Variants in ATP2A3 observed in about 807,000 individuals in gnomAD.
ATP2A3 encodes ATPase sarcoplasmic/endoplasmic reticulum Ca2+ transporting 3.
A neutral mutation model predicts 106.8 loss-of-function variants in ATP2A3; 61 were observed. That is an observed-to-expected ratio of 0.57 (90% CI 0.46 to 0.71). The LOEUF is 0.71. Among genes scored for constraint, ATP2A3 ranks in the 30% least tolerant of loss-of-function variants. The probability of loss-of-function intolerance (pLI) is 0.00; values close to 1 mark genes in which losing one functional copy is unlikely to be tolerated. For synonymous variants in ATP2A3, 611 were observed against 609.3 expected, an observed-to-expected ratio of 1.00 and a Z score of -0.04; for missense variants, 1,201 against 1,423.5, an observed-to-expected ratio of 0.84 and a Z score of 2.52.
rs2053032014 is a variant in ATP2A3, at chr17:3,930,782, C to A, written c.2611-348G>T. 3.5e-5 allele frequency: 14 copies of A among 403,410 alleles called. No individual in the cohort carries two copies. The highest frequency in any genetic ancestry group is 2.9e-4 in the South Asian group (14 of 47,938). 25.0% of individuals were successfully genotyped at this position (403,410 alleles called of 1,614,324 possible). A position where few individuals can be genotyped will look rare whatever the true frequency, so the allele number is the denominator to read the frequency against. ...TGCATGTGAAAATCAACCAACAAAACCATGCGGGAGTGGAATTCACCTTTG... is the reference window on the plus strand; with the variant it reads ...TGCATGTGAAAATCAACCAACAAAAACATGCGGGAGTGGAATTCACCTTTG... On this transcript the variant is annotated intron_variant, in intron 17 of 20. Transcript: ENST00000397041. This position sits in a 1 kb window ranked among gnomAD's most constrained non-coding sequence, Gnocchi z 5.4.
Position 3,941,322 on chromosome 17 carries a change from A to C in ATP2A3, c.1765-16T>G, listed in dbSNP as rs2053759371. The C allele has an allele frequency of 6.2e-7, 1 of 1,613,592 alleles. No individual in the cohort carries two copies. The highest frequency in any genetic ancestry group is 8.5e-7 in the Non-Finnish European group (1 of 1,179,770). On this transcript the variant is annotated splice_polypyrimidine_tract_variant and intron_variant, in intron 13 of 20. Transcript: ENST00000397041. ...TCAGGTCCGTCTGTAGGGAGGGGGC[A>C]GATTCAAGCGGGGCCTGAGCCCATC...
Position 3,941,236 on chromosome 17 carries a change from G to A in ATP2A3, c.1835C>T (p.Thr612Ile). 6.2e-7 allele frequency: 1 copy of A among 1,614,074 alleles called. No individual in the cohort carries two copies. Among genetic ancestry groups the A allele is most frequent in the Non-Finnish European group, 8.5e-7 (1 of 1,180,030 alleles). ...GCGGATGCCCGCCTGGTAGCAGCGT[G>A]TGATGCAGGCAGCCACCTCAGGTCG... is the stretch of plus-strand genomic sequence containing the variant. The part of the protein sequence containing the change: ...PPRPEVAACI[T>I]RCYQAGIRVV... Residue 612 changes from threonine to isoleucine, a missense_variant, in exon 14 of 21, where the codon ACA (threonine) becomes ATA (isoleucine). Thr to Ile is a moderately conservative substitution (Grantham distance 89). This residue lies in a region of ATP2A3 where 935 missense variants were observed against 1,176.7 expected (regional missense o/e 0.79). Coordinates refer to ENST00000397041, the MANE Select transcript of ATP2A3 (RefSeq NM_005173.4).
intron 1 of ATP2A3, among the ~76,000 whole-genome samples, chr17:3,960,502 G>T (rs11867719): frequency 0.084 from 12,802 of 152,296 alleles, 732 homozygotes; most frequent in Middle Eastern, 0.13. Context: ...GGATCTGCCC[G>T]ACTCTCAGGT....
chr17:3,960,459 C>T (rs1567729213), intron 1 of ATP2A3, among the ~76,000 whole-genome samples: 1 of 152,248 alleles, frequency 6.6e-6, no homozygotes, highest in Non-Finnish European at 1.5e-5. Context: ...CTGCCAGCTC[C>T]CTTGAACAGA....
chr17:3,952,986 G>T (rs1445093064), intron 3 of ATP2A3, among the ~76,000 whole-genome samples: 1 of 152,152 alleles, frequency 6.6e-6, no homozygotes, highest in African/African-American at 2.4e-5. Flanking sequence ...ACAGTGGAAA[G>T]CCCCCACCCC....
At chr17:3,946,123 C>T (rs1468245526) in intron 8 of ATP2A3, among the ~76,000 whole-genome samples, 1 of 151,802 alleles carries the variant, frequency 6.6e-6, no homozygotes. Flanking sequence ...TGGCACGCGC[C>T]TGTAGTCCTA....
At chr17:3,958,849 A>AATATATATATATATATAT (rs775662160) in intron 1 of ATP2A3, among the ~76,000 whole-genome samples, 3 of 84,238 alleles carry the variant, frequency 3.6e-5, no homozygotes, top group Non-Finnish European at 6.8e-5. Flanking sequence ...CACATATATA[A>AATATATATATATATATAT]ATATATATAT....
In ATP2A3 at chr17:3,928,604, C is replaced by G; in HGVS notation, c.2980+59G>C. 1 of 1,431,424 alleles carries G rather than the reference C, an allele frequency of 7.0e-7. No individual in the cohort carries two copies. The highest frequency in any genetic ancestry group is 9.6e-7 in the Non-Finnish European group (1 of 1,038,888). The allele number at this position is 1,431,424 out of a possible 1,614,324, so 88.7% of individuals were successfully genotyped here. A position where few individuals can be genotyped will look rare whatever the true frequency, so the allele number is the denominator to read the frequency against. On this transcript the variant is annotated intron_variant, in intron 20 of 20. Transcript: ENST00000397041. This position sits in a 1 kb window ranked among gnomAD's most constrained non-coding sequence, Gnocchi z 6.1. Reference sequence around the variant, plus strand: ...TCCACACCCACAGCGTCCACTGCAGCCCAGGAGCAGAGGCGGGCGGGGAGG... The same window carrying G: ...TCCACACCCACAGCGTCCACTGCAGGCCAGGAGCAGAGGCGGGCGGGGAGG...
At chr17:3,933,720 A>G (rs2053255141) in intron 17 of ATP2A3, among the ~76,000 whole-genome samples, 1 of 151,134 alleles carries the variant, frequency 6.6e-6, no homozygotes, top group African/African-American at 2.5e-5. Flanking sequence ...TGGGTGACAG[A>G]GCGAGACTCC....
intron 17 of ATP2A3, among the ~76,000 whole-genome samples, chr17:3,932,325 GTAGAGA>G (rs1421946007): frequency 6.6e-6 from 1 of 152,126 alleles, no homozygotes; most frequent in African/African-American, 2.4e-5. Context: ...TGTGTTTGTA[GTAGAGA>G]CGGGGTTTCA....
intron 8 of ATP2A3, among the ~76,000 whole-genome samples, chr17:3,946,352 G>C (rs989053512): frequency 4.6e-5 from 7 of 151,904 alleles, no homozygotes; most frequent in Admixed American, 2.0e-4. Flanking sequence ...AGGAGTTATA[G>C]ACCAGCCTGG....
At position 3,939,752 on chromosome 17, in the gene ATP2A3, G is replaced by A. The variant is rs530768353; in HGVS notation, c.2100+1219C>T. Among the ~76,000 whole-genome samples the A allele has an allele frequency of 4.7e-3, 562 of 119,396 alleles. 3 individuals are homozygous for A. The highest frequency in any genetic ancestry group is 0.011 in the Admixed American group (107 of 9,354). 78.3% of individuals were successfully genotyped at this position (119,396 alleles called of 152,430 possible). Reference sequence around the variant, plus strand: ...CAGTGAGCCGAGATCGTGCCACTGCGCTCCAGCCCTGGGTGACAGAGCGAG... The same window carrying A: ...CAGTGAGCCGAGATCGTGCCACTGCACTCCAGCCCTGGGTGACAGAGCGAG... On this transcript the variant is annotated intron_variant, in intron 14 of 20. Transcript: ENST00000397041.
rs2053457496 is a variant in ATP2A3 at position 3,936,610 on chromosome 17, T to C, written c.2322-141A>G. Reference sequence around the variant, plus strand: ...CCCCTCCTCCCTCCGCCAGCTGTGATGTGAAGGGTGTGTGTACACAGCTCT... The same window carrying C: ...CCCCTCCTCCCTCCGCCAGCTGTGACGTGAAGGGTGTGTGTACACAGCTCT... On this transcript the variant is annotated intron_variant, in intron 15 of 20. Coordinates refer to ENST00000397041, the MANE Select transcript of ATP2A3 (RefSeq NM_005173.4). The surrounding 1 kb of genome is among the most constrained non-coding windows in gnomAD (Gnocchi z 5.4). 11 of 863,916 alleles carry C rather than the reference T, an allele frequency of 1.3e-5. No individual in the cohort carries two copies. The Admixed American group carries it at 2.0e-4, about 16-fold the overall frequency. 53.5% of individuals were successfully genotyped at this position (863,916 alleles called of 1,614,324 possible).
intron 5 of ATP2A3, 31 bp from the exon 6 acceptor site, chr17:3,950,804 G>A (rs200531241): frequency 1.2e-6 from 2 of 1,606,522 alleles, no homozygotes; most frequent in Admixed American, 1.7e-5. Flanking sequence ...GGCTGAGGGT[G>A]GCTTTGGGCA....
rs1380644368 is a variant in ATP2A3 at position 3,928,583 on chromosome 17, C to T, written c.2980+80G>A. ...GCAGACAGAGAGGCTCTGCGCTCCA[C>T]ACCCACAGCGTCCACTGCAGCCCAG... On this transcript the variant is annotated intron_variant, in intron 20 of 20. Coordinates refer to ENST00000397041, the MANE Select transcript of ATP2A3 (RefSeq NM_005173.4). The surrounding 1 kb of genome is among the most constrained non-coding windows in gnomAD (Gnocchi z 6.1). The T allele has an allele frequency of 7.7e-6, 10 of 1,291,822 alleles. No individual in the cohort carries two copies. In the East Asian group the frequency reaches 1.3e-4, roughly 16 times the overall value. The allele number at this position is 1,291,822 out of a possible 1,614,324, so 80.0% of individuals were successfully genotyped here. A position where few individuals can be genotyped will look rare whatever the true frequency, so the allele number is the denominator to read the frequency against.
intron 14 of ATP2A3, among the ~76,000 whole-genome samples, chr17:3,940,050 G>GTTTTTTT (rs58490329): frequency 2.1e-5 from 2 of 96,806 alleles, no homozygotes; most frequent in East Asian, 2.4e-4. Flanking sequence ...TTTGTTTTTT[G>GTTTTTTT]TTTTTTTTTT....
At chr17:3,952,937 A>C (rs937583922) in intron 3 of ATP2A3, among the ~76,000 whole-genome samples, 1 of 152,170 alleles carries the variant, frequency 6.6e-6, no homozygotes, top group Non-Finnish European at 1.5e-5. Context: ...TGCTACTGGC[A>C]TCTTGTGGGT....
chr17:3,927,103 T>C, intron 20 of ATP2A3: 1 of 985,440 alleles, frequency 1.0e-6, no homozygotes, highest in African/African-American at 1.7e-5. Flanking sequence ...CAACCACTGC[T>C]TTAACCTCAA....
chr17:3,959,718 C>T (rs2055033236), intron 1 of ATP2A3, among the ~76,000 whole-genome samples: 1 of 152,230 alleles, frequency 6.6e-6, no homozygotes, highest in Admixed American at 6.5e-5. Context: ...GGGCAAGACC[C>T]GCCCAGCCCA....
Sources: gnomAD v4.1 joint callset for allele counts (sites outside exome capture counted in the v4.1 genomes callset) on GRCh38, gnomAD v4.1.1 for gene constraint, gnomAD v4.1.1 regional missense constraint, Gnocchi (gnomAD v3.1) non-coding constraint, MANE v1.5 for transcripts, NCBI Gene and HGNC (gene_info 2026-07-23, HGNC 2026-07-21) for gene names.